The following NBDY variants were observed in gnomAD, a reference collection of about 807,000 sequenced individuals.
NBDY encodes negative regulator of P-body association, also known as P-body dissociating protein.
chrX:56,808,411 T>C (rs1368944653), intron 2 of NBDY, among the ~76,000 whole-genome samples: 1 of 112,335 alleles, frequency 8.9e-6, no homozygotes, highest in Non-Finnish European at 1.9e-5. Context: ...GTCAGTAGGC[T>C]ATTAATTGCT....
chrX:56,760,537 T>C (rs917022252), intron 2 of NBDY, among the ~76,000 whole-genome samples: 2 of 111,097 alleles, frequency 1.8e-5, no homozygotes, highest in African/African-American at 6.6e-5. Flanking sequence ...AATAGAAAAT[T>C]AGCTGGGCGT....
intron 2 of NBDY, among the ~76,000 whole-genome samples, chrX:56,790,074 G>A (rs1425771680): frequency 9.0e-6 from 1 of 111,365 alleles, no homozygotes; most frequent in Non-Finnish European, 1.9e-5. Flanking sequence ...GACAGTCGAG[G>A]ACAAATTATG....
chrX:56,739,228 GTT>G (rs2069514623), intron 2 of NBDY, among the ~76,000 whole-genome samples: 7 of 48,843 alleles, frequency 1.4e-4, no homozygotes, highest in East Asian at 1.3e-3. Context: ...ATATATGTGT[GTT>G]TGTGTGTGTA....
chrX:56,737,753 T>C (rs946725146), intron 2 of NBDY, among the ~76,000 whole-genome samples: 1 of 112,033 alleles, frequency 8.9e-6, no homozygotes, highest in Admixed American at 9.5e-5. Flanking sequence ...TATATTTGTG[T>C]TTTTAAAATT....
chrX:56,742,647 T>C (rs1055189447), intron 2 of NBDY, among the ~76,000 whole-genome samples: 2 of 111,981 alleles, frequency 1.8e-5, no homozygotes, highest in Non-Finnish European at 3.8e-5. Flanking sequence ...TGTTGGCATG[T>C]GGAAATGCTA....
At chrX:56,758,891 AG>A (rs1363359710) in intron 2 of NBDY, among the ~76,000 whole-genome samples, 2 of 111,745 alleles carry the variant, frequency 1.8e-5, no homozygotes, top group African/African-American at 6.5e-5. Flanking sequence ...TTGCCCCTTT[AG>A]GGTCTCCAGG....
chrX:56,814,370 A>T (rs1447574784), intron 2 of NBDY, among the ~76,000 whole-genome samples: 1 of 110,776 alleles, frequency 9.0e-6, no homozygotes, highest in Non-Finnish European at 1.9e-5. Flanking sequence ...CAGTTTTATT[A>T]AAGTTGATTA....
chrX:56,761,711 G>A (rs1251294646), intron 2 of NBDY, among the ~76,000 whole-genome samples: 4 of 113,018 alleles, frequency 3.5e-5, no homozygotes, highest in South Asian at 3.6e-4. Context: ...GGCAGGGTCC[G>A]GTTGGCAAGC....
At chrX:56,790,215 C>T in intron 2 of NBDY, among the ~76,000 whole-genome samples, 2 of 112,713 alleles carry the variant, frequency 1.8e-5, no homozygotes, top group Admixed American at 1.9e-4. Flanking sequence ...CTGCTTGATG[C>T]CTGGGCAGCA....
rs1230560359 is a variant in NBDY, at chrX:56,729,498, C to T, written c.145C>T (p.Pro49Ser). Reference sequence around the variant, plus strand: ...TCCCAACGGAGGTAGTACCACTCTACCCTCCGCACCTCCTCCTGCATCAGC... The same window carrying T: ...TCCCAACGGAGGTAGTACCACTCTATCCTCCGCACCTCCTCCTGCATCAGC... ...GTPNGGSTTL[P>S]SAPPPASAGL... is the part of the protein sequence containing the mutation. The change falls in exon 1 of 3, where the codon CCC becomes TCC. Residue 49 changes from proline to serine, a missense_variant. Pro to Ser is a moderately conservative substitution (Grantham distance 74). Coordinates refer to ENST00000374922, the MANE Select transcript of NBDY (RefSeq NM_001348129.2). 3 of 296,291 alleles carry T rather than the reference C, an allele frequency of 1.0e-5. No homozygotes were observed. Among genetic ancestry groups the T allele is most frequent in the Non-Finnish European group, 1.8e-5 (3 of 170,079 alleles). The allele number at this position is 296,291 out of a possible 1,213,427, so 24.4% of individuals were successfully genotyped here. A position where few individuals can be genotyped will look rare whatever the true frequency, so the allele number is the denominator to read the frequency against.
chrX:56,793,408 C>T (rs1196174095), intron 2 of NBDY, among the ~76,000 whole-genome samples: 1 of 111,782 alleles, frequency 8.9e-6, no homozygotes, highest in African/African-American at 3.3e-5. Flanking sequence ...CTCCAGTCTA[C>T]AGGTCCTTGG....
At chrX:56,802,829 T>C (rs141879199) in intron 2 of NBDY, among the ~76,000 whole-genome samples, 1,238 of 112,678 alleles carry the variant, frequency 0.011, 13 homozygotes, top group African/African-American at 0.039. Context: ...ATAAAGAGGA[T>C]TTCCGCAGTG....
At chrX:56,765,764 T>G (rs978714797) in intron 2 of NBDY, among the ~76,000 whole-genome samples, 1 of 111,019 alleles carries the variant, frequency 9.0e-6, no homozygotes, top group Admixed American at 9.6e-5. Context: ...TTTCTTTTTC[T>G]TCTTTTTCCT....
At chrX:56,796,976 C>T (rs1008431702) in intron 2 of NBDY, among the ~76,000 whole-genome samples, 21 of 111,393 alleles carry the variant, frequency 1.9e-4, no homozygotes, top group Non-Finnish European at 3.2e-4. Flanking sequence ...TGTCATGGAC[C>T]TCCCACTTCC....
At chrX:56,751,706 C>A (rs2069586672) in intron 2 of NBDY, among the ~76,000 whole-genome samples, 1 of 112,409 alleles carries the variant, frequency 8.9e-6, no homozygotes, top group African/African-American at 3.2e-5. Flanking sequence ...ATTCTAACAT[C>A]TGTCACCATT....
chrX:56,746,552 A>T (rs2069559133), intron 2 of NBDY, among the ~76,000 whole-genome samples: 1 of 111,217 alleles, frequency 9.0e-6, no homozygotes, highest in Non-Finnish European at 1.9e-5. Context: ...ATCAGACCTG[A>T]TGAGAAGTCA....
intron 2 of NBDY, among the ~76,000 whole-genome samples, chrX:56,767,695 T>C (rs998081707): frequency 1.8e-5 from 2 of 112,661 alleles, no homozygotes; most frequent in African/African-American, 6.4e-5. Flanking sequence ...TCTTTTATAA[T>C]TATGTTTTCT....
At chrX:56,764,702 C>CA (rs10623590) in intron 2 of NBDY, among the ~76,000 whole-genome samples, 6,179 of 60,777 alleles carry the variant, frequency 0.1, 466 homozygotes, top group African/African-American at 0.23. Context: ...AAACAAACAC[C>CA]AAAAAAAAAA....
chrX:56,796,190 C>T (rs2069790967), intron 2 of NBDY, among the ~76,000 whole-genome samples: 1 of 112,120 alleles, frequency 8.9e-6, no homozygotes, highest in Admixed American at 9.4e-5. Context: ...GCAGGGCAGC[C>T]CCCTGGCCTA....
Sources: allele counts gnomAD v4.1 joint callset (sites outside exome capture counted in the v4.1 genomes callset), GRCh38; gene constraint gnomAD v4.1.1; transcripts MANE v1.5; gene names NCBI Gene and HGNC (gene_info 2026-07-23, HGNC 2026-07-21).